The following PTPRZ1 variants were observed in gnomAD, a reference collection of about 807,000 sequenced individuals.
PTPRZ1 encodes receptor-type tyrosine-protein phosphatase zeta.
A neutral mutation model predicts 214.1 loss-of-function variants in PTPRZ1; 82 were observed. The ratio of observed to expected loss-of-function variants is 0.38; its 90% confidence interval spans 0.32 to 0.46. The LOEUF (loss-of-function observed/expected upper bound fraction) is 0.46, where lower values mean the gene tolerates loss of function less well. Ranked by LOEUF, PTPRZ1 falls within the 20% of genes least tolerant of loss-of-function variation. PTPRZ1 has a pLI of 1.00. For missense variants in PTPRZ1, 2,603 were observed against 2,748.7 expected (o/e 0.95, Z 1.19); for synonymous variants, 945 against 987.9 (o/e 0.96, Z 0.81).
At chr7:121,912,280 A>C (rs1459023701) in intron 1 of PTPRZ1, among the ~76,000 whole-genome samples, 1 of 152,230 alleles carries the variant, frequency 6.6e-6, no homozygotes, top group African/African-American at 2.4e-5. Flanking sequence ...CTTTGATAGC[A>C]GTCAAGTATG....
At chr7:121,935,207 G>C (rs181120223) in intron 2 of PTPRZ1, among the ~76,000 whole-genome samples, 1 of 152,266 alleles carries the variant, frequency 6.6e-6, no homozygotes, top group East Asian at 1.9e-4. Context: ...ATCGCAATTA[G>C]ATAATCATTG....
chr7:121,987,666 GAGT>G lies in PTPRZ1; in HGVS notation c.928+3553_928+3555del, dbSNP rs1487250191. Among the ~76,000 whole-genome samples, 3 of 152,256 alleles carry G rather than the reference GAGT, an allele frequency of 2.0e-5. No individual in the cohort carries two copies. In the East Asian group the frequency reaches 5.8e-4, roughly 29 times the overall value. ...TATTTCTCCGATGATTAGTGATGGT[GAGT>G]AGTTTTTCATATGTTTCTTAGCAGT... On this transcript the variant is annotated intron_variant, in intron 8 of 29. Transcript: ENST00000393386.
At chr7:121,949,027 G>T (rs774126838) in intron 2 of PTPRZ1, among the ~76,000 whole-genome samples, 6 of 152,100 alleles carry the variant, frequency 3.9e-5, no homozygotes, top group Non-Finnish European at 8.8e-5. Flanking sequence ...GCCCAAGGTG[G>T]TCAGAGCACA....
At chr7:122,023,785 T>TAATGTATAATTTTATATATAATATA (rs1491346614) in intron 13 of PTPRZ1, among the ~76,000 whole-genome samples, 17 of 107,624 alleles carry the variant, frequency 1.6e-4, no homozygotes, top group African/African-American at 4.6e-4. Context: ...TAATATATAT[T>TAATGTATAATTTTATATATAATATA]ATATGTATAA....
chr7:121,983,713 A>G lies in PTPRZ1; in HGVS notation c.668A>G (p.Asn223Ser), dbSNP rs756160475. 1 of 1,613,760 alleles carries G rather than the reference A, an allele frequency of 6.2e-7. No homozygotes were observed. Among genetic ancestry groups the G allele is most frequent in the South Asian group, 1.1e-5 (1 of 91,062 alleles). ...TTCATACTGTTGAACCTTCTGCCAAACTCAACTGACAAGTATTACATTTAC... is the reference window on the plus strand; with the variant it reads ...TTCATACTGTTGAACCTTCTGCCAAGCTCAACTGACAAGTATTACATTTAC... ...DPFILLNLLPNSTDKYYIYNG... is the reference protein window; with the variant it reads ...DPFILLNLLPSSTDKYYIYNG... The change falls in exon 7 of 30, where the codon AAC becomes AGC. Residue 223 changes from asparagine (N) to serine (S), a missense_variant. Physicochemically the swap from Asn to Ser is conservative, Grantham distance 46. Around this residue, in one of 6 missense-constraint regions of PTPRZ1, gnomAD observed 244 missense variants for 333.2 expected, o/e 0.73. Transcript: ENST00000393386.
At chr7:122,025,534 TTGGTCAGAC>T (rs1799185319) in intron 13 of PTPRZ1, among the ~76,000 whole-genome samples, 1 of 152,036 alleles carries the variant, frequency 6.6e-6, no homozygotes, top group Non-Finnish European at 1.5e-5. Flanking sequence ...TTTCTCCATG[TTGGTCAGAC>T]TGGTCTTGAA....
intron 15 of PTPRZ1, 151 bp downstream of exon 15, chr7:122,031,710 A>T (rs1799382684): frequency 3.8e-6 from 2 of 523,072 alleles, no homozygotes; most frequent in South Asian, 3.3e-5. Context: ...TGTTTAGGAG[A>T]TGTGTTATAG....
chr7:121,898,713 A>G (rs1347895191), intron 1 of PTPRZ1, among the ~76,000 whole-genome samples: 1 of 152,208 alleles, frequency 6.6e-6, no homozygotes, highest in African/African-American at 2.4e-5. Flanking sequence ...CATCAGAACA[A>G]GGTGGTATAT....
chr7:121,946,721 A>G (rs1196492), intron 2 of PTPRZ1, among the ~76,000 whole-genome samples: 30,861 of 152,116 alleles, frequency 0.2, 3,351 homozygotes, highest in African/African-American at 0.24. Context: ...CCTGACAGAT[A>G]CTTTAATCAA....
chr7:121,959,540 A>C (rs889409302), intron 2 of PTPRZ1, among the ~76,000 whole-genome samples: 1 of 152,190 alleles, frequency 6.6e-6, no homozygotes, highest in Admixed American at 6.5e-5. Flanking sequence ...CTTTGCTTTG[A>C]GTCAGTTTAT....
rs572850280 is a variant in PTPRZ1 at position 122,051,361 on chromosome 7, G to GTA, written c.6085-66_6085-65insAT. The GTA allele has an allele frequency of 4.0e-4, 252 of 628,770 alleles. No homozygotes were observed. In the African/African-American group the frequency reaches 4.0e-3, roughly 10 times the overall value. 38.9% of individuals were successfully genotyped at this position (628,770 alleles called of 1,614,324 possible). Reference sequence around the variant, plus strand: ...TGTGTGTGTGTGTGTCTGTATGTATGTGTGTGTGTGTGTATTTGGGGGACT... The same window carrying GTA: ...TGTGTGTGTGTGTGTCTGTATGTATGTATGTGTGTGTGTGTATTTGGGGGACT... On this transcript the variant is annotated intron_variant, in intron 23 of 29. Coordinates refer to ENST00000393386, the MANE Select transcript of PTPRZ1 (RefSeq NM_002851.3).
At chr7:122,056,227 C>T (rs929548437) in intron 27 of PTPRZ1, among the ~76,000 whole-genome samples, 9 of 151,800 alleles carry the variant, frequency 5.9e-5, no homozygotes, top group African/African-American at 1.9e-4. Flanking sequence ...TACCTATTAT[C>T]TTGTCACACC....
chr7:121,918,014 G>A (rs915312089), intron 1 of PTPRZ1, among the ~76,000 whole-genome samples: 2 of 151,650 alleles, frequency 1.3e-5, no homozygotes, highest in South Asian at 4.2e-4. Flanking sequence ...TGTGCTTCTT[G>A]GGAATAAAGG....
intron 14 of PTPRZ1, 78 bp downstream of exon 14, chr7:122,028,721 CG>C: frequency 8.8e-7 from 1 of 1,130,056 alleles, no homozygotes; most frequent in Non-Finnish European, 1.3e-6. Flanking sequence ...TTGTTTTTAT[CG>C]GGACACTATG....
At chr7:121,951,750 C>A (rs959035958) in intron 2 of PTPRZ1, among the ~76,000 whole-genome samples, 2 of 152,154 alleles carry the variant, frequency 1.3e-5, no homozygotes, top group African/African-American at 4.8e-5. Context: ...CAGGGGTTTT[C>A]ACTTCTTAGT....
intron 2 of PTPRZ1, among the ~76,000 whole-genome samples, chr7:121,937,711 T>C (rs907764302): frequency 6.6e-6 from 1 of 152,196 alleles, no homozygotes; most frequent in South Asian, 2.1e-4. Context: ...CCATGCAAGC[T>C]AAACTTCATT....
At chr7:121,955,598 G>A (rs7808921) in intron 2 of PTPRZ1, among the ~76,000 whole-genome samples, 55,042 of 152,010 alleles carry the variant, frequency 0.36, 10,168 homozygotes, top group South Asian at 0.43. Context: ...AACATTGAGG[G>A]CAGCTAGTTA....
chr7:121,897,285 G>T (rs1351288051), intron 1 of PTPRZ1, among the ~76,000 whole-genome samples: 2 of 152,056 alleles, frequency 1.3e-5, no homozygotes, highest in African/African-American at 4.8e-5. Flanking sequence ...GTGATAACGG[G>T]CTTTACTCAT....
rs1562888993 is a variant in PTPRZ1 at position 122,061,522 on chromosome 7, A to G, written c.*302A>G. On this transcript the variant is annotated 3_prime_UTR_variant, in exon 30 of 30. Transcript: ENST00000393386. Reference sequence around the variant, plus strand: ...AAATTTCAATTTATAGAGGTTAGGAATTCCAAACTACAGAAAATGTTTGTT... The same window carrying G: ...AAATTTCAATTTATAGAGGTTAGGAGTTCCAAACTACAGAAAATGTTTGTT... The G allele has an allele frequency of 5.6e-6, 1 of 180,004 alleles. No homozygotes were observed. Among genetic ancestry groups the G allele is most frequent in the East Asian group, 1.4e-4 (1 of 7,234 alleles). The allele number at this position is 180,004 out of a possible 1,614,324, so 11.2% of individuals were successfully genotyped here. A position where few individuals can be genotyped will look rare whatever the true frequency, so the allele number is the denominator to read the frequency against.
Sources: gnomAD v4.1 joint callset for allele counts (sites outside exome capture counted in the v4.1 genomes callset) on GRCh38, gnomAD v4.1.1 for gene constraint, gnomAD v4.1.1 regional missense constraint, MANE v1.5 for transcripts, NCBI Gene and HGNC (gene_info 2026-07-23, HGNC 2026-07-21) for gene names.